Variants in CACUL1 observed in about 807,000 individuals in gnomAD.
CACUL1 encodes the protein CDK2-associated and cullin domain-containing protein 1.
Under a neutral mutation model 45.2 loss-of-function variants are expected in CACUL1, and 13 were observed. The observed-to-expected ratio is 0.29, with a 90% CI of 0.19 to 0.46. The LOEUF is 0.46. CACUL1 is among the 20% of genes least tolerant of loss of function. The pLI is 1.00. For synonymous variants in CACUL1, 197 were observed against 174.2 expected (o/e 1.13, Z -1.03); for missense variants, 421 against 471.4 (o/e 0.89, Z 0.99).
chr10:118,740,659 G>A (rs936042332), intron 1 of CACUL1, among the ~76,000 whole-genome samples: 5 of 152,050 alleles, frequency 3.3e-5, no homozygotes, highest in Middle Eastern at 6.8e-3. Context: ...AGGCACGGCA[G>A]CTCACGCCTG....
chr10:118,714,839 A>T (rs1168832020), intron 3 of CACUL1, among the ~76,000 whole-genome samples: 1 of 152,230 alleles, frequency 6.6e-6, no homozygotes, highest in Non-Finnish European at 1.5e-5. Context: ...TCACCCCGCA[A>T]GCATGTGGAA....
At chr10:118,737,642 G>A (rs1438302555) in intron 1 of CACUL1, among the ~76,000 whole-genome samples, 1 of 148,902 alleles carries the variant, frequency 6.7e-6, no homozygotes, top group Admixed American at 6.7e-5. Flanking sequence ...TTTTCAATTA[G>A]AGGAAATGTA....
intron 4 of CACUL1, among the ~76,000 whole-genome samples, chr10:118,707,016 C>A (rs1392728554): frequency 1.3e-5 from 2 of 152,168 alleles, no homozygotes; most frequent in Admixed American, 6.5e-5. Context: ...ATATTTAAAA[C>A]AGGGAGGAAG....
chr10:118,705,920 C>G (rs1036697493), intron 4 of CACUL1, among the ~76,000 whole-genome samples: 10 of 152,122 alleles, frequency 6.6e-5, no homozygotes, highest in African/African-American at 2.4e-4. Flanking sequence ...AACTACAAAG[C>G]AAATTCAAGC....
At chr10:118,734,714 TA>T (rs1293477446) in intron 1 of CACUL1, among the ~76,000 whole-genome samples, 2 of 152,162 alleles carry the variant, frequency 1.3e-5, no homozygotes, top group Non-Finnish European at 2.9e-5. Context: ...AAACACTTAC[TA>T]AAAAAATGTA....
chr10:118,751,926 A>G (rs1845902067), intron 1 of CACUL1, among the ~76,000 whole-genome samples: 1 of 152,054 alleles, frequency 6.6e-6, no homozygotes, highest in African/African-American at 2.4e-5. Context: ...GAGACTTTAG[A>G]GTTTTGTTGC....
intron 3 of CACUL1, chr10:118,726,455 G>A (rs1183157523): frequency 2.2e-6 from 1 of 451,086 alleles, no homozygotes; most frequent in Admixed American, 3.9e-5. Flanking sequence ...CTCAAGGAAG[G>A]GCCTGTGAAG....
intron 3 of CACUL1, among the ~76,000 whole-genome samples, chr10:118,708,760 C>T (rs1268821098): frequency 6.6e-6 from 1 of 152,124 alleles, no homozygotes; most frequent in African/African-American, 2.4e-5. Context: ...AGAAAAAAGG[C>T]CATGTGAGGA....
chr10:118,743,710 C>A (rs1845813376), intron 1 of CACUL1, among the ~76,000 whole-genome samples: 1 of 151,474 alleles, frequency 6.6e-6, no homozygotes, highest in African/African-American at 2.4e-5. Context: ...GCCTGGGCAA[C>A]AAGACGGAAA....
intron 7 of CACUL1, 35 bp downstream of exon 7, chr10:118,691,230 A>AT: frequency 1.3e-6 from 2 of 1,586,750 alleles, no homozygotes; most frequent in Non-Finnish European, 1.7e-6. Flanking sequence ...GGAAATGGAC[A>AT]TATTTGACCA....
chr10:118,737,112 A>C (rs1471616495), intron 1 of CACUL1, among the ~76,000 whole-genome samples: 1 of 150,472 alleles, frequency 6.6e-6, no homozygotes, highest in Admixed American at 6.6e-5. Context: ...GTACTTTAAC[A>C]TATCTGTTCC....
At chr10:118,726,376 C>A in intron 3 of CACUL1, 1 of 1,250,988 alleles carries the variant, frequency 8.0e-7, no homozygotes, top group Non-Finnish European at 1.0e-6. Flanking sequence ...TCAGCCAGAA[C>A]ACATCTGCTG....
At chr10:118,738,766 T>A (rs144197570) in intron 1 of CACUL1, among the ~76,000 whole-genome samples, 2,769 of 151,480 alleles carry the variant, frequency 0.018, 40 homozygotes, top group Non-Finnish European at 0.029. Context: ...CAAAACAAAT[T>A]TGAAAAGCTA....
At chr10:118,745,018 G>A (rs756183264) in intron 1 of CACUL1, among the ~76,000 whole-genome samples, 1 of 152,106 alleles carries the variant, frequency 6.6e-6, no homozygotes, top group Non-Finnish European at 1.5e-5. Flanking sequence ...TGTATTTGGG[G>A]AATTATGACA....
intron 4 of CACUL1, among the ~76,000 whole-genome samples, chr10:118,702,296 C>T (rs768162406): frequency 2.0e-5 from 3 of 152,166 alleles, no homozygotes; most frequent in Non-Finnish European, 4.4e-5. Flanking sequence ...GATTAAAAAG[C>T]TTTATTGCTC....
At chr10:118,732,076 G>A (rs1212051460) in intron 1 of CACUL1, among the ~76,000 whole-genome samples, 1 of 152,172 alleles carries the variant, frequency 6.6e-6, no homozygotes, top group Non-Finnish European at 1.5e-5. Context: ...TTACTCTAAG[G>A]TGGAAGCCTC....
intron 1 of CACUL1, among the ~76,000 whole-genome samples, chr10:118,754,194 C>A (rs1281100902): frequency 6.6e-6 from 1 of 152,142 alleles, no homozygotes; most frequent in Non-Finnish European, 1.5e-5. Flanking sequence ...GAAGCCAGGG[C>A]CGCTCAGGCG....
Position 118,685,948 on chromosome 10 carries a change from T to G in CACUL1, c.*180A>C. ...ACCCCCAAGTCTAGCAGCAACGTTT[T>G]TTTTTTTTTTAGTTTTTGTTTTAAA... is the stretch of plus-strand genomic sequence containing the variant. On this transcript the variant is annotated 3_prime_UTR_variant, in exon 9 of 9. Transcript: ENST00000369151. The G allele has an allele frequency of 2.4e-6, 1 of 412,044 alleles. No individual in the cohort carries two copies. The highest frequency in any genetic ancestry group is 4.4e-6 in the Non-Finnish European group (1 of 228,872). 25.5% of individuals were successfully genotyped at this position (412,044 alleles called of 1,614,324 possible). A position where few individuals can be genotyped will look rare whatever the true frequency, so the allele number is the denominator to read the frequency against.
At chr10:118,744,343 G>A (rs577925739) in intron 1 of CACUL1, among the ~76,000 whole-genome samples, 48 of 152,118 alleles carry the variant, frequency 3.2e-4, no homozygotes, top group African/African-American at 1.2e-3. Flanking sequence ...CTGAGATCGC[G>A]CCATTGCACT....
Sources: gnomAD v4.1 joint callset for allele counts (sites outside exome capture counted in the v4.1 genomes callset) on GRCh38, gnomAD v4.1.1 for gene constraint, MANE v1.5 for transcripts, NCBI Gene and HGNC (gene_info 2026-07-23, HGNC 2026-07-21) for gene names.